Variants in COLEC12 observed in about 807,000 individuals in gnomAD.
The protein encoded by COLEC12 is collectin subfamily member 12, also known as collectin-12.
In COLEC12, 33 loss-of-function variants were observed where a neutral mutation model predicts 71.1. That is an observed-to-expected ratio of 0.46 (90% confidence interval 0.35 to 0.62). The LOEUF (loss-of-function observed/expected upper bound fraction) is 0.62, where lower values mean the gene tolerates loss of function less well. Among genes scored for constraint, COLEC12 ranks in the 20% least tolerant of loss-of-function variants. COLEC12 has a pLI of 0.00. For synonymous variants in COLEC12, 350 were observed against 353.0 expected (o/e 0.99, Z 0.10); for missense variants, 765 against 916.1 (o/e 0.84, Z 2.13).
chr18:450,330 G>C (rs1916736512), intron 2 of COLEC12, among the ~76,000 whole-genome samples: 1 of 152,180 alleles, frequency 6.6e-6, no homozygotes, highest in Admixed American at 6.5e-5. Flanking sequence ...GGCCTGCTGG[G>C]AGGAGTGACT....
chr18:328,985 A>G (rs1036228122), intron 8 of COLEC12, among the ~76,000 whole-genome samples: 1 of 152,172 alleles, frequency 6.6e-6, no homozygotes, highest in African/African-American at 2.4e-5. Flanking sequence ...GTTCCTATGT[A>G]TTCCTTTGGG....
intron 8 of COLEC12, among the ~76,000 whole-genome samples, chr18:330,612 A>G (rs1287553289): frequency 6.6e-6 from 1 of 152,140 alleles, no homozygotes; most frequent in Non-Finnish European, 1.5e-5. Flanking sequence ...AAACTGATGC[A>G]ATACAGTCAT....
chr18:348,569 C>G (rs1914437190), intron 3 of COLEC12, among the ~76,000 whole-genome samples: 1 of 152,212 alleles, frequency 6.6e-6, no homozygotes, highest in South Asian at 2.1e-4. Context: ...CCCTAACATT[C>G]TTGGCAGGTG....
intron 2 of COLEC12, among the ~76,000 whole-genome samples, chr18:451,896 G>C (rs1490821061): frequency 6.6e-6 from 1 of 152,194 alleles, no homozygotes; most frequent in Non-Finnish European, 1.5e-5. Context: ...AGAAATTCAC[G>C]TAAGTAAAGA....
At chr18:343,822 A>T (rs1210672278) in intron 5 of COLEC12, among the ~76,000 whole-genome samples, 2 of 152,236 alleles carry the variant, frequency 1.3e-5, no homozygotes, top group African/African-American at 4.8e-5. Flanking sequence ...TGGCGATGAC[A>T]TTGTAAGTAG....
intron 1 of COLEC12, among the ~76,000 whole-genome samples, chr18:493,053 A>G (rs1917647543): frequency 6.6e-6 from 1 of 152,174 alleles, no homozygotes; most frequent in South Asian, 2.1e-4. Flanking sequence ...ACATACAAAA[A>G]TTAGTTGGCC....
At chr18:485,366 C>T (rs1008453317) in intron 1 of COLEC12, among the ~76,000 whole-genome samples, 3 of 152,208 alleles carry the variant, frequency 2.0e-5, no homozygotes, top group Non-Finnish European at 4.4e-5. Flanking sequence ...CTAAGTCCTG[C>T]AGTGGTCATA....
chr18:447,069 A>G (rs561126812), intron 2 of COLEC12, among the ~76,000 whole-genome samples: 1 of 152,176 alleles, frequency 6.6e-6, no homozygotes, highest in Non-Finnish European at 1.5e-5. Flanking sequence ...GAGGGACTTC[A>G]CCATGGGAAT....
At chr18:344,029 T>A (rs992747574) in intron 5 of COLEC12, among the ~76,000 whole-genome samples, 1 of 152,208 alleles carries the variant, frequency 6.6e-6, no homozygotes, top group Admixed American at 6.5e-5. Flanking sequence ...ACTAAATAAC[T>A]GAAGACAAGG....
intron 5 of COLEC12, among the ~76,000 whole-genome samples, chr18:340,348 C>T (rs1325515254): frequency 6.6e-6 from 1 of 152,122 alleles, no homozygotes; most frequent in African/African-American, 2.4e-5. Context: ...TGAATATGAA[C>T]AATACCAGAG....
intron 2 of COLEC12, among the ~76,000 whole-genome samples, chr18:442,288 T>C (rs536463495): frequency 6.6e-6 from 1 of 152,172 alleles, no homozygotes; most frequent in Non-Finnish European, 1.5e-5. Flanking sequence ...TTGATTGTCA[T>C]GTCTATTTAG....
At chr18:493,868 ACTTG>A (rs2143794389) in intron 1 of COLEC12, among the ~76,000 whole-genome samples, 1 of 152,348 alleles carries the variant, frequency 6.6e-6, no homozygotes, top group African/African-American at 2.4e-5. Flanking sequence ...TTAGAGACAA[ACTTG>A]TTTAATGTTG....
At chr18:331,519 G>A (rs1407005235) in intron 8 of COLEC12, 149 bp downstream of exon 8, 2 of 555,552 alleles carry the variant, frequency 3.6e-6, no homozygotes, top group East Asian at 2.9e-5. Context: ...TTCCCCAGGG[G>A]AAATATGCAA....
chr18:339,300 G>A (rs1914191251), intron 5 of COLEC12, among the ~76,000 whole-genome samples: 1 of 152,126 alleles, frequency 6.6e-6, no homozygotes, highest in Non-Finnish European at 1.5e-5. Context: ...GGTAGTTTAT[G>A]GTGTTCAGCT....
Position 346,727 on chromosome 18 carries a change from T to A in COLEC12, c.895A>T (p.Asn299Tyr). 6.2e-7 allele frequency: 1 copy of A among 1,614,206 alleles called. No homozygotes were observed. The highest frequency in any genetic ancestry group is 8.5e-7 in the Non-Finnish European group (1 of 1,180,030). The change falls in exon 5 of 10, where the codon AAC becomes TAC. Residue 299 changes from asparagine (N) to tyrosine (Y), a missense_variant. Asn to Tyr is a moderately radical substitution (Grantham distance 143). Transcript: ENST00000400256. This position sits in a 1 kb window ranked among gnomAD's most constrained non-coding sequence, Gnocchi z 4.0. Reference sequence around the variant, plus strand: ...TTGGCTTGAGAGATAGTGGTGATGTTCTCCATCTGACCTGTGAATGAGTTG... The same window carrying A: ...TTGGCTTGAGAGATAGTGGTGATGTACTCCATCTGACCTGTGAATGAGTTG... ...QLNSFTGQME[N>Y]ITTISQANEQ...
intron 2 of COLEC12, among the ~76,000 whole-genome samples, chr18:440,985 A>G (rs1031367279): frequency 1.3e-5 from 2 of 152,036 alleles, no homozygotes; most frequent in African/African-American, 2.4e-5. Context: ...GTGGTGGCTC[A>G]CGCCTGTAAT....
chr18:389,276 T>C (rs1598348126), intron 2 of COLEC12, among the ~76,000 whole-genome samples: 4 of 145,824 alleles, frequency 2.7e-5, no homozygotes, highest in Non-Finnish European at 6.0e-5. Context: ...TTTTTGGAGA[T>C]GGAGTCTTGC....
intron 2 of COLEC12, among the ~76,000 whole-genome samples, chr18:401,501 G>A (rs1409605664): frequency 6.9e-6 from 1 of 145,174 alleles, no homozygotes; most frequent in Non-Finnish European, 1.5e-5. Flanking sequence ...TCAGTTGCCT[G>A]TGAAAGTATA....
intron 1 of COLEC12, among the ~76,000 whole-genome samples, chr18:499,424 C>G (rs1388813682): frequency 1.3e-5 from 2 of 152,210 alleles, no homozygotes; most frequent in Admixed American, 1.3e-4. Flanking sequence ...AAAAAACTTT[C>G]CAGAGCCAAA....
Sources: allele counts gnomAD v4.1 joint callset (sites outside exome capture counted in the v4.1 genomes callset), GRCh38; gene constraint gnomAD v4.1.1; non-coding constraint Gnocchi (gnomAD v3.1); transcripts MANE v1.5; gene names NCBI Gene and HGNC (gene_info 2026-07-23, HGNC 2026-07-21).